Variants in ZW10 observed in about 807,000 individuals in gnomAD.
The protein encoded by ZW10 is centromere/kinetochore protein zw10 homolog.
Under a neutral mutation model 87.8 loss-of-function variants are expected in ZW10, and 53 were observed. The ratio of observed to expected loss-of-function variants is 0.60; its 90% CI spans 0.48 to 0.76. The LOEUF is 0.76. ZW10 is among the 30% of genes least tolerant of loss of function. The probability of loss-of-function intolerance (pLI) is 0.00; values close to 1 mark genes in which losing one functional copy is unlikely to be tolerated. For synonymous variants in ZW10, 312 were observed against 329.2 expected (o/e 0.95, Z 0.57); for missense variants, 837 against 923.0 (o/e 0.91, Z 1.21).
At chr11:113,744,304 G>C (rs112163453) in intron 9 of ZW10, among the ~76,000 whole-genome samples, 4 of 152,044 alleles carry the variant, frequency 2.6e-5, no homozygotes, top group Non-Finnish European at 5.9e-5. Flanking sequence ...GGAGAATGGC[G>C]CAAACCCGGG....
chr11:113,735,937 T>A (rs1953546676), intron 15 of ZW10, among the ~76,000 whole-genome samples: 1 of 152,138 alleles, frequency 6.6e-6, no homozygotes, highest in Non-Finnish European at 1.5e-5. Flanking sequence ...CAGGTAAAAG[T>A]CACTTCTCTG....
At chr11:113,753,272 C>T (rs1043574577) in intron 7 of ZW10, among the ~76,000 whole-genome samples, 7 of 151,876 alleles carry the variant, frequency 4.6e-5, no homozygotes, top group South Asian at 2.1e-4. Context: ...TGAGGACATG[C>T]GGTATTTGGT....
Position 113,739,205 on chromosome 11 carries a change from T to C in ZW10, c.1753+8A>G, listed in dbSNP as rs1490471474. ...CATATGCTTTCCTACATTGAAAGTATCAGTTACCAAGTCTCCTGAAGCCAG... is the reference window on the plus strand; with the variant it reads ...CATATGCTTTCCTACATTGAAAGTACCAGTTACCAAGTCTCCTGAAGCCAG... On this transcript the variant is annotated splice_region_variant and intron_variant, in intron 12 of 15. Transcript: ENST00000200135. 6.2e-7 allele frequency: 1 copy of C among 1,613,390 alleles called. No individual in the cohort carries two copies. The highest frequency in any genetic ancestry group is 8.5e-7 in the Non-Finnish European group (1 of 1,179,754).
rs554366447 is a variant in ZW10 at position 113,744,139 on chromosome 11, G to A, written c.1273-99C>T. ...ATGGCGGCTCACGCCTGTAATCCCA[G>A]CACTTTGGGAGGCCGAGGCGGGCAG... On this transcript the variant is annotated intron_variant, in intron 9 of 15. Transcript: ENST00000200135. The A allele has an allele frequency of 1.2e-5, 12 of 995,126 alleles. No individual in the cohort carries two copies. The East Asian group carries it at 2.6e-4, about 22-fold the overall frequency. 61.6% of individuals were successfully genotyped at this position (995,126 alleles called of 1,614,324 possible).
At chr11:113,760,414 G>A in intron 4 of ZW10, 46 bp from the exon 5 acceptor site, 1 of 1,607,298 alleles carries the variant, frequency 6.2e-7, no homozygotes, top group South Asian at 1.1e-5. Context: ...TCTGGACTCA[G>A]GGCAATTAGA....
intron 1 of ZW10, among the ~76,000 whole-genome samples, chr11:113,770,983 T>C (rs1325966560): frequency 6.4e-5 from 9 of 140,816 alleles, no homozygotes; most frequent in Non-Finnish European, 1.4e-4. Context: ...TTTTTTTTTT[T>C]TTTTTTTGAG....
At chr11:113,766,793 G>A (rs1383956466) in intron 2 of ZW10, among the ~76,000 whole-genome samples, 1 of 151,046 alleles carries the variant, frequency 6.6e-6, no homozygotes, top group Non-Finnish European at 1.5e-5. Context: ...GAGGTGGGTG[G>A]ATCACTTGAG....
chr11:113,760,489 T>C (rs1446489740), intron 4 of ZW10, 24 bp downstream of exon 4: 2 of 1,607,342 alleles, frequency 1.2e-6, no homozygotes, highest in East Asian at 2.2e-5. Flanking sequence ...TTATTGCGCA[T>C]GCTTTGGGGA....
intron 11 of ZW10, among the ~76,000 whole-genome samples, 163 bp from the exon 12 acceptor site, chr11:113,739,545 G>A (rs141796271): frequency 1.3e-5 from 2 of 152,178 alleles, no homozygotes; most frequent in Non-Finnish European, 2.9e-5. Context: ...CACTCCCAGA[G>A]GGAGGCTGTT....
intron 11 of ZW10, among the ~76,000 whole-genome samples, chr11:113,739,837 T>TA (rs756984271): frequency 3.3e-5 from 5 of 152,342 alleles, no homozygotes; most frequent in African/African-American, 4.8e-5. Flanking sequence ...CTGGGAATTT[T>TA]AAAAAACCAC....
At chr11:113,769,137 C>T (rs1953937471) in intron 1 of ZW10, among the ~76,000 whole-genome samples, 170 bp from the exon 2 acceptor site, 1 of 152,122 alleles carries the variant, frequency 6.6e-6, no homozygotes, top group African/African-American at 2.4e-5. Context: ...AAACACATTT[C>T]TCCCACCATG....
rs1182207072 is a variant in ZW10 at position 113,760,805 on chromosome 11, G to A, written c.342+12C>T. 6.2e-7 allele frequency: 1 copy of A among 1,609,932 alleles called. No individual in the cohort carries two copies. The highest frequency in any genetic ancestry group is 1.1e-5 in the South Asian group (1 of 90,924). On this transcript the variant is annotated intron_variant, in intron 3 of 15. Transcript: ENST00000200135. ...CCACCAAAACACTAAGGTTCAAGTTGAGTTTACTGACCTCCTGCAACTGTT... is the reference window on the plus strand; with the variant it reads ...CCACCAAAACACTAAGGTTCAAGTTAAGTTTACTGACCTCCTGCAACTGTT...
chr11:113,741,758 G>T lies in ZW10; in HGVS notation c.1519C>A (p.Gln507Lys). 6.2e-7 allele frequency: 1 copy of T among 1,605,384 alleles called. No individual in the cohort carries two copies. Among genetic ancestry groups the T allele is most frequent in the Non-Finnish European group, 8.5e-7 (1 of 1,175,966 alleles). ...ATTSSDQCAV[Q>K]LFYSVRNIFH... Reference sequence around the variant, plus strand: ...ATATTCCTCACTGAGTAGAAAAGTTGAACAGCACTAAAAAGAAAACATAGA... The same window carrying T: ...ATATTCCTCACTGAGTAGAAAAGTTTAACAGCACTAAAAAGAAAACATAGA... Residue 507 changes from glutamine to lysine, a missense_variant, in exon 11 of 16, where the codon CAA (glutamine) becomes AAA (lysine). Gln to Lys is a moderately conservative substitution (Grantham distance 53). Coordinates refer to ENST00000200135, the MANE Select transcript of ZW10 (RefSeq NM_004724.4).
chr11:113,747,409 G>A, intron 9 of ZW10, 122 bp downstream of exon 9: 1 of 844,650 alleles, frequency 1.2e-6, no homozygotes, highest in East Asian at 2.5e-5. Context: ...ATGTAAAAAA[G>A]ATTGATAACT....
intron 13 of ZW10, among the ~76,000 whole-genome samples, chr11:113,737,941 A>G (rs1953571590): frequency 6.6e-6 from 1 of 152,246 alleles, no homozygotes; most frequent in Non-Finnish European, 1.5e-5. Context: ...ATCACTTAAG[A>G]AAGGGGAGCA....
rs1953805076 is a variant in ZW10, at chr11:113,757,668, G to T, written c.919C>A (p.Leu307Ile). The change falls in exon 7 of 16, where the codon CTT (leucine) becomes ATT (isoleucine). Residue 307 changes from leucine (L) to isoleucine (I), a missense_variant. Transcript: ENST00000200135. ...RLVLEVLQKQ[L>I]LDLPLDTDLE... ...CTGCCTTGGAGACACATACCTAGAA[G>T]CTGTTTCTGGAGCACTTCTAGTACC... is the stretch of plus-strand genomic sequence containing the variant. 6.5e-7 allele frequency: 1 copy of T among 1,539,426 alleles called. No homozygotes were observed. Among genetic ancestry groups the T allele is most frequent in the Non-Finnish European group, 8.8e-7 (1 of 1,135,976 alleles).
intron 14 of ZW10, 31 bp from the exon 15 acceptor site, chr11:113,736,853 T>C: frequency 1.2e-6 from 2 of 1,606,826 alleles, no homozygotes; most frequent in South Asian, 2.2e-5. Context: ...CACAATAGAA[T>C]AGAATTGGGC....
At chr11:113,746,332 A>G (rs1212629343) in intron 9 of ZW10, among the ~76,000 whole-genome samples, 3 of 152,222 alleles carry the variant, frequency 2.0e-5, no homozygotes, top group East Asian at 3.9e-4. Context: ...AGAGTCACAG[A>G]GCAATTCAGC....
At chr11:113,736,886 C>T in intron 14 of ZW10, 64 bp from the exon 15 acceptor site, 2 of 1,520,246 alleles carry the variant, frequency 1.3e-6, no homozygotes, top group Admixed American at 1.7e-5. Context: ...GGGGAAAGGG[C>T]AGCAGATCTT....
Sources: gnomAD v4.1 joint callset for allele counts (sites outside exome capture counted in the v4.1 genomes callset) on GRCh38, gnomAD v4.1.1 for gene constraint, MANE v1.5 for transcripts, NCBI Gene and HGNC (gene_info 2026-07-23, HGNC 2026-07-21) for gene names.